TRAK2: variants seen among roughly 807,000 people sequenced by gnomAD.
TRAK2 encodes trafficking kinesin-binding protein 2.
Under a neutral mutation model 104.6 loss-of-function variants are expected in TRAK2, and 81 were observed. That is an observed-to-expected ratio of 0.77 (90% CI 0.65 to 0.93). The LOEUF (loss-of-function observed/expected upper bound fraction) is 0.93, where lower values mean the gene tolerates loss of function less well. Among genes scored for constraint, TRAK2 ranks in the 40% least tolerant of loss-of-function variants. TRAK2 has a pLI of 0.00. For missense variants in TRAK2, 1,002 were observed against 1,089.0 expected (o/e 0.92, Z 1.12); for synonymous variants, 406 against 394.4 (o/e 1.03, Z -0.35).
chr2:201,428,886 C>A (rs921996912), intron 1 of TRAK2, among the ~76,000 whole-genome samples: 4 of 152,156 alleles, frequency 2.6e-5, no homozygotes, highest in South Asian at 2.1e-4. Context: ...TCCTTCACAT[C>A]CCTTGTAAGT....
In TRAK2 at chr2:201,380,570, G is replaced by A. The variant is rs1470753124; in HGVS notation, c.2718C>T (p.Pro906=). The change falls in exon 16 of 16, where the codon CCC becomes CCT. Residue 906 remains proline (P), a synonymous_variant. Transcript: ENST00000332624. Reference sequence around the variant, plus strand: ...AGTCCTCCTTCAGGACACCCATTTTGGGTGAGGATGTGCAAACTGGGGCAG... The same window carrying A: ...AGTCCTCCTTCAGGACACCCATTTTAGGTGAGGATGTGCAAACTGGGGCAG... ...SFAAPVCTSS[P]KMGVLKED The A allele has an allele frequency of 6.2e-7, 1 of 1,613,884 alleles. No individual in the cohort carries two copies. The highest frequency in any genetic ancestry group is 1.1e-5 in the South Asian group (1 of 91,076).
At chr2:201,385,290 T>C (rs988124298) in intron 14 of TRAK2, among the ~76,000 whole-genome samples, 8 of 152,148 alleles carry the variant, frequency 5.3e-5, no homozygotes, top group South Asian at 2.1e-4. Flanking sequence ...AAATCAAGCA[T>C]GGCTCAAAGA....
At chr2:201,415,075 A>G (rs987484538) in intron 2 of TRAK2, among the ~76,000 whole-genome samples, 1 of 138,190 alleles carries the variant, frequency 7.2e-6, no homozygotes, top group African/African-American at 2.6e-5. Context: ...CTTCTCTACC[A>G]TTTTATCCTC....
At chr2:201,450,780 AT>A (rs888930563) in intron 1 of TRAK2, among the ~76,000 whole-genome samples, 3 of 150,452 alleles carry the variant, frequency 2.0e-5, no homozygotes, top group East Asian at 1.9e-4. Context: ...TATGACGCAG[AT>A]TTTTTTTTAA....
intron 1 of TRAK2, among the ~76,000 whole-genome samples, chr2:201,434,837 T>C (rs144526175): frequency 8.5e-5 from 13 of 152,360 alleles, no homozygotes; most frequent in Non-Finnish European, 1.6e-4. Flanking sequence ...TTTTATGCTT[T>C]GTCCCATCAT....
intron 1 of TRAK2, among the ~76,000 whole-genome samples, chr2:201,430,782 G>A (rs1190942550): frequency 6.6e-6 from 1 of 152,228 alleles, no homozygotes; most frequent in Non-Finnish European, 1.5e-5. Flanking sequence ...CTTCCCAGGT[G>A]AGGCGATGCC....
chr2:201,436,223 C>T (rs1951879256), intron 1 of TRAK2, among the ~76,000 whole-genome samples: 1 of 152,024 alleles, frequency 6.6e-6, no homozygotes. Context: ...TCATGGATTT[C>T]CTGTTCTCTT....
intron 2 of TRAK2, chr2:201,411,666 G>A (rs1229123623): frequency 3.8e-6 from 3 of 795,016 alleles, no homozygotes; most frequent in African/African-American, 3.4e-5. Flanking sequence ...ATGAGTAAAA[G>A]TACATTTGTA....
At chr2:201,394,763 C>T (rs747109441) in intron 9 of TRAK2, 35 bp downstream of exon 9, 1 of 1,536,344 alleles carries the variant, frequency 6.5e-7, no homozygotes, top group Middle Eastern at 1.7e-4. Context: ...TCACTCTTTC[C>T]CCTCCTGAAT....
intron 1 of TRAK2, among the ~76,000 whole-genome samples, chr2:201,444,537 C>T (rs1189463239): frequency 6.6e-6 from 1 of 151,904 alleles, no homozygotes; most frequent in Non-Finnish European, 1.5e-5. Context: ...CATTTTAAAA[C>T]TTACCAGTCT....
intron 1 of TRAK2, among the ~76,000 whole-genome samples, chr2:201,421,468 G>T (rs1951739880): frequency 6.6e-6 from 1 of 152,112 alleles, no homozygotes; most frequent in East Asian, 1.9e-4. Context: ...CATGTGCATT[G>T]TAGGATCTTT....
At chr2:201,388,110 T>C (rs187096575) in intron 12 of TRAK2, 109 bp from the exon 13 acceptor site, 219 of 1,178,300 alleles carry the variant, frequency 1.9e-4, no homozygotes, top group Non-Finnish European at 2.5e-4. Flanking sequence ...AAAAACATGA[T>C]ATTTTCCTAG....
At chr2:201,429,218 G>A (rs926534917) in intron 1 of TRAK2, among the ~76,000 whole-genome samples, 3 of 152,192 alleles carry the variant, frequency 2.0e-5, no homozygotes, top group Non-Finnish European at 2.9e-5. Flanking sequence ...AATAGGAGTG[G>A]TGAGAGAGGG....
chr2:201,438,372 A>AT (rs1951894378), intron 1 of TRAK2, among the ~76,000 whole-genome samples: 1 of 152,190 alleles, frequency 6.6e-6, no homozygotes, highest in Non-Finnish European at 1.5e-5. Context: ...TAGTTAGCTG[A>AT]TTGAGTACTT....
At chr2:201,416,047 C>T (rs1559447981) in intron 2 of TRAK2, among the ~76,000 whole-genome samples, 2 of 151,710 alleles carry the variant, frequency 1.3e-5, no homozygotes, top group African/African-American at 4.8e-5. Flanking sequence ...AACACATGGA[C>T]AAAAAGCCAA....
rs1275334413 is a variant in TRAK2, at chr2:201,387,635, C to A, written c.1696+68G>T. 6 of 1,447,836 alleles carry A rather than the reference C, an allele frequency of 4.1e-6. No homozygotes were observed. The African/African-American group carries it at 7.1e-5, about 17-fold the overall frequency. The allele number at this position is 1,447,836 out of a possible 1,614,324, so 89.7% of individuals were successfully genotyped here. ...ATGTTCCTATAATTAAGACACAAAT[C>A]TCAATTCCAGGGAAAGGAACTTCCA... On this transcript the variant is annotated intron_variant, in intron 13 of 15. Coordinates refer to ENST00000332624, the MANE Select transcript of TRAK2 (RefSeq NM_015049.3).
chr2:201,440,674 G>A (rs1951913891), intron 1 of TRAK2, among the ~76,000 whole-genome samples: 1 of 152,104 alleles, frequency 6.6e-6, no homozygotes, highest in Admixed American at 6.5e-5. Context: ...ATGGAAAAAA[G>A]GTTTAGGAAA....
At position 201,399,449 on chromosome 2, in the gene TRAK2, G is replaced by C; in HGVS notation, c.408C>G (p.Leu136=). 2 of 1,612,816 alleles carry C rather than the reference G, an allele frequency of 1.2e-6. No individual in the cohort carries two copies. Among genetic ancestry groups the C allele is most frequent in the Non-Finnish European group, 1.7e-6 (2 of 1,179,034 alleles). The stretch of plus-strand genomic sequence containing the variant: ...CAGATAAGACATGGTTCCGCTTTAA[G>C]AGAGCTTGTCCAATTCGAGCAGCGA... The part of the protein sequence containing the change: ...LELAARIGQA[L]LKRNHVLSEQ... Residue 136 remains leucine, a synonymous_variant, in exon 5 of 16, where the codon CTC becomes CTG. Coordinates refer to ENST00000332624, the MANE Select transcript of TRAK2 (RefSeq NM_015049.3).
intron 4 of TRAK2, 25 bp downstream of exon 4, chr2:201,400,993 C>A: frequency 1.3e-6 from 2 of 1,584,684 alleles, no homozygotes; most frequent in South Asian, 1.1e-5. Context: ...CCTTTTTGTA[C>A]TGGAGAAAGA....
Sources: gnomAD v4.1 joint callset for allele counts (sites outside exome capture counted in the v4.1 genomes callset) on GRCh38, gnomAD v4.1.1 for gene constraint, MANE v1.5 for transcripts, NCBI Gene and HGNC (gene_info 2026-07-23, HGNC 2026-07-21) for gene names.